Variants in BDKRB2 observed in about 807,000 individuals in gnomAD.
BDKRB2 encodes the protein B2 bradykinin receptor.
A neutral mutation model predicts 4.0 loss-of-function variants in BDKRB2; 6 were observed. That is an observed-to-expected ratio of 1.49 (90% CI 0.81 to 2.93). BDKRB2 has a LOEUF of 2.93. Ranked by LOEUF, BDKRB2 falls within the 30% of genes most tolerant of loss-of-function variation. BDKRB2 has a pLI of 0.00. For missense variants in BDKRB2, 478 were observed against 520.1 expected, an observed-to-expected ratio of 0.92 and a Z score of 0.79; for synonymous variants, 225 against 215.3, an observed-to-expected ratio of 1.05 and a Z score of -0.40.
At chr14:96,215,998 C>G (rs185036298) in intron 1 of BDKRB2, among the ~76,000 whole-genome samples, 2 of 152,302 alleles carry the variant, frequency 1.3e-5, no homozygotes, top group Middle Eastern at 3.4e-3. Context: ...GCCACTGTTG[C>G]GTGCCCTCTG....
intron 1 of BDKRB2, among the ~76,000 whole-genome samples, chr14:96,217,634 C>G (rs1890456486): frequency 6.6e-6 from 1 of 152,212 alleles, no homozygotes; most frequent in Admixed American, 6.5e-5. Flanking sequence ...TGAGGAAGCC[C>G]AGGTTCAGAG....
At chr14:96,231,222 T>C (rs931077504) in intron 1 of BDKRB2, among the ~76,000 whole-genome samples, 2 of 152,198 alleles carry the variant, frequency 1.3e-5, no homozygotes, top group African/African-American at 2.4e-5. Context: ...ATGTCCCCAC[T>C]GAAAGTGTTT....
chr14:96,215,482 G>T, intron 1 of BDKRB2, among the ~76,000 whole-genome samples: 1 of 132,188 alleles, frequency 7.6e-6, no homozygotes, highest in East Asian at 2.3e-4. Flanking sequence ...AAAAAAAAAA[G>T]GGAGGGGGTT....
intron 1 of BDKRB2, among the ~76,000 whole-genome samples, chr14:96,226,350 G>A (rs1338796991): frequency 6.6e-6 from 1 of 152,166 alleles, no homozygotes; most frequent in Non-Finnish European, 1.5e-5. Context: ...ACTGTAGGAC[G>A]ATTTTAAAAA....
At chr14:96,238,199 G>A (rs950261085) in intron 2 of BDKRB2, 9 of 718,716 alleles carry the variant, frequency 1.3e-5, no homozygotes, top group Middle Eastern at 7.0e-4. Context: ...GCGTAACTGG[G>A]GCCAGAGGAT....
Position 96,240,942 on chromosome 14 carries a change from GC to G in BDKRB2, c.616del (p.His206ThrfsTer23). ...FRTMKEYSDE[G>X]HNVTACVISY... ...ACCATGAAGGAGTACAGCGATGAGGGCCACAACGTCACCGCTTGTGTCATCA... is the reference window on the plus strand; with the variant it reads ...ACCATGAAGGAGTACAGCGATGAGGGCACAACGTCACCGCTTGTGTCATCA... On this transcript the variant is annotated frameshift_variant, in exon 3 of 3. Coordinates refer to ENST00000554311, the MANE Select transcript of BDKRB2 (RefSeq NM_001379692.1). LOFTEE classifies it low-confidence loss of function (END_TRUNC). 1 of 1,593,686 alleles carries G rather than the reference GC, an allele frequency of 6.3e-7. No homozygotes were observed. The highest frequency in any genetic ancestry group is 8.6e-7 in the Non-Finnish European group (1 of 1,169,202).
intron 1 of BDKRB2, among the ~76,000 whole-genome samples, chr14:96,216,244 G>A (rs1449038140): frequency 6.6e-6 from 1 of 152,104 alleles, no homozygotes; most frequent in African/African-American, 2.4e-5. Flanking sequence ...CAGGTTGCAA[G>A]ACCCCTCCTA....
At chr14:96,235,485 C>T (rs1010668921) in intron 1 of BDKRB2, among the ~76,000 whole-genome samples, 26 of 152,158 alleles carry the variant, frequency 1.7e-4, no homozygotes, top group Admixed American at 1.3e-4. Context: ...CTGCAAACTC[C>T]CTGCCTTGAA....
intron 1 of BDKRB2, among the ~76,000 whole-genome samples, chr14:96,217,141 G>T (rs1890446028): frequency 6.6e-6 from 1 of 152,180 alleles, no homozygotes; most frequent in Non-Finnish European, 1.5e-5. Context: ...GCTTCCCCAG[G>T]ACCAGAGATT....
chr14:96,218,672 C>A (rs1005339169), intron 1 of BDKRB2, among the ~76,000 whole-genome samples: 6 of 152,088 alleles, frequency 3.9e-5, no homozygotes, highest in African/African-American at 1.2e-4. Context: ...AATCCCAGCA[C>A]TTTGGGAGTC....
At chr14:96,225,541 G>A (rs1043796480) in intron 1 of BDKRB2, among the ~76,000 whole-genome samples, 1 of 152,064 alleles carries the variant, frequency 6.6e-6, no homozygotes, top group East Asian at 1.9e-4. Context: ...AGGAACGGAT[G>A]AAAGGGGCAG....
At chr14:96,215,812 A>G (rs895641785) in intron 1 of BDKRB2, among the ~76,000 whole-genome samples, 1 of 152,236 alleles carries the variant, frequency 6.6e-6, no homozygotes, top group African/African-American at 2.4e-5. Flanking sequence ...TTCGGCATCT[A>G]CTAATAATCA....
At chr14:96,226,972 C>T (rs934284937) in intron 1 of BDKRB2, among the ~76,000 whole-genome samples, 2 of 152,206 alleles carry the variant, frequency 1.3e-5, no homozygotes, top group Non-Finnish European at 2.9e-5. Flanking sequence ...AGCCCTGGCC[C>T]CAGAACCTGA....
At chr14:96,213,495 A>AACACACACACACAC (rs66460667) in intron 1 of BDKRB2, among the ~76,000 whole-genome samples, 120 of 146,758 alleles carry the variant, frequency 8.2e-4, no homozygotes, top group African/African-American at 2.4e-3. Flanking sequence ...GACCGACCCA[A>AACACACACACACAC]ACACACACAC....
At chr14:96,218,178 C>A (rs4905465) in intron 1 of BDKRB2, among the ~76,000 whole-genome samples, 1 of 152,010 alleles carries the variant, frequency 6.6e-6, no homozygotes, top group Non-Finnish European at 1.5e-5. Flanking sequence ...AAAGTGCAGA[C>A]GGGCAGGGTT....
chr14:96,230,467 T>C (rs1250969639), intron 1 of BDKRB2, among the ~76,000 whole-genome samples: 2 of 152,246 alleles, frequency 1.3e-5, no homozygotes, highest in African/African-American at 4.8e-5. Context: ...CGATCTCGGC[T>C]CACTGCAACC....
intron 1 of BDKRB2, among the ~76,000 whole-genome samples, chr14:96,234,676 T>C (rs987600529): frequency 6.6e-6 from 1 of 152,194 alleles, no homozygotes; most frequent in African/African-American, 2.4e-5. Flanking sequence ...CGGGAGAAAG[T>C]TGAGAGGGAA....
At chr14:96,220,401 G>A (rs1002230184) in intron 1 of BDKRB2, among the ~76,000 whole-genome samples, 1 of 152,116 alleles carries the variant, frequency 6.6e-6, no homozygotes. Context: ...TCCACACCAT[G>A]ACACATAGAC....
chr14:96,215,918 A>G (rs1856702872), intron 1 of BDKRB2, among the ~76,000 whole-genome samples: 1 of 152,220 alleles, frequency 6.6e-6, no homozygotes, highest in Admixed American at 6.5e-5. Flanking sequence ...GCACTGCAGT[A>G]AGCGCAGACA....
Sources: allele counts gnomAD v4.1 joint callset (sites outside exome capture counted in the v4.1 genomes callset), GRCh38; gene constraint gnomAD v4.1.1; transcripts MANE v1.5; gene names NCBI Gene and HGNC (gene_info 2026-07-23, HGNC 2026-07-21).